The following TNS1 variants were observed in gnomAD, a reference collection of about 807,000 sequenced individuals.
The protein encoded by TNS1 is tensin-1.
In TNS1, 62 loss-of-function variants were observed where a neutral mutation model predicts 168.6. That is an observed-to-expected ratio of 0.37 (90% CI 0.30 to 0.45). The LOEUF is 0.45. TNS1 is among the 20% of genes least tolerant of loss of function. The pLI is 1.00. For synonymous variants in TNS1, 934 were observed against 933.2 expected (o/e 1.00, Z -0.02); for missense variants, 2,240 against 2,339.4 (o/e 0.96, Z 0.88).
intron 1 of TNS1, among the ~76,000 whole-genome samples, chr2:218,008,936 AC>A (rs1272249465): frequency 6.6e-6 from 1 of 152,210 alleles, no homozygotes; most frequent in Non-Finnish European, 1.5e-5. Context: ...GCACAGTTAA[AC>A]ACTTTAAATG....
chr2:217,879,219 T>C (rs925398999), intron 18 of TNS1: 3 of 299,870 alleles, frequency 1.0e-5, no homozygotes, highest in Non-Finnish European at 2.0e-5. Flanking sequence ...TGGCACTTTA[T>C]AGTTTACTAA....
chr2:217,849,958 A>T, intron 18 of TNS1: 1 of 985,360 alleles, frequency 1.0e-6, no homozygotes, highest in Non-Finnish European at 1.2e-6. Context: ...AATGCAAAGG[A>T]TGTGATAGAA....
chr2:217,856,250 G>C (rs924837596), intron 18 of TNS1, among the ~76,000 whole-genome samples: 1 of 152,168 alleles, frequency 6.6e-6, no homozygotes, highest in African/African-American at 2.4e-5. Context: ...GCTCCACTGG[G>C]TTTTAACCTG....
intron 13 of TNS1, 112 bp from the exon 14 acceptor site, chr2:217,886,216 G>A (rs1028582274): frequency 3.1e-5 from 34 of 1,111,350 alleles, no homozygotes; most frequent in African/African-American, 9.5e-5. Flanking sequence ...GGGGGAAGAC[G>A]GGGTAGGAAG....
intron 3 of TNS1, chr2:217,937,050 ACTC>A: frequency 2.2e-6 from 1 of 455,702 alleles, no homozygotes; most frequent in Admixed American, 2.4e-5. Flanking sequence ...TCCCCGCAAA[ACTC>A]CTTGCCAAAC....
chr2:217,897,831 C>G lies in TNS1; in HGVS notation c.510G>C (p.Gln170His), dbSNP rs747040632. 4 of 1,610,730 alleles carry G rather than the reference C, an allele frequency of 2.5e-6. No homozygotes were observed. In the South Asian group the frequency reaches 4.4e-5, roughly 18 times the overall value. The part of the protein sequence containing the change: ...NFRSNLREVA[Q>H]MLKSKHGGNY... ...TGCCTCCATGTTTGGACTTGAGCAT[C>G]TGCGCCACCTCACGGAGGTTGCTCC... Residue 170 changes from glutamine (Q) to histidine (H), a missense_variant, in exon 8 of 33, where the codon CAG becomes CAC. Physicochemically the swap from Gln to His is conservative, Grantham distance 24. Transcript: ENST00000682258.
At chr2:217,858,258 C>T (rs1308594924) in intron 18 of TNS1, among the ~76,000 whole-genome samples, 6 of 152,210 alleles carry the variant, frequency 3.9e-5, no homozygotes, top group Admixed American at 6.5e-5. Flanking sequence ...ATGGCTCTTA[C>T]GTGTCCCAGA....
chr2:217,920,436 G>A (rs1418779942), intron 3 of TNS1, among the ~76,000 whole-genome samples, 200 bp from the exon 4 acceptor site: 1 of 152,170 alleles, frequency 6.6e-6, no homozygotes, highest in African/African-American at 2.4e-5. Context: ...GGGAGCGGGG[G>A]CCGCAGAAGG....
At chr2:217,884,984 C>A in intron 16 of TNS1, 51 bp downstream of exon 16, 1 of 1,609,928 alleles carries the variant, frequency 6.2e-7, no homozygotes, top group Non-Finnish European at 8.5e-7. Context: ...AAACTGAGCT[C>A]CTCTCCCTGC....
chr2:217,875,643 T>TTCCC (rs1451625625), intron 18 of TNS1, among the ~76,000 whole-genome samples: 1 of 152,200 alleles, frequency 6.6e-6, no homozygotes, highest in Non-Finnish European at 1.5e-5. Context: ...CTGTATCTCT[T>TTCCC]TCCCTCCCTC....
chr2:217,818,270 TG>T lies in TNS1; in HGVS notation c.4061del (p.Pro1354GlnfsTer43). 1 of 1,613,188 alleles carries T rather than the reference TG, an allele frequency of 6.2e-7. No homozygotes were observed. ...GGCCAGAAACCTGGTAGACCCCTGC[TG>T]GGTGCCGACACAGGCTGGGGCTCCC... is the stretch of plus-strand genomic sequence containing the variant. The part of the protein sequence containing the change: ...TPGSPSLCRH[P>X]AGVYQVSGLH... On this transcript the variant is annotated frameshift_variant, in exon 24 of 33. Coordinates refer to ENST00000682258, the MANE Select transcript of TNS1 (RefSeq NM_001387777.1). LOFTEE classifies it high-confidence loss of function.
At chr2:217,809,798 C>A in intron 30 of TNS1, 25 bp downstream of exon 30, 2 of 1,603,278 alleles carry the variant, frequency 1.2e-6, no homozygotes, top group Non-Finnish European at 1.7e-6. Flanking sequence ...AGAACCCCAC[C>A]GAGGAGCAGG....
At chr2:217,852,230 G>A (rs1480745465) in intron 18 of TNS1, among the ~76,000 whole-genome samples, 1 of 152,224 alleles carries the variant, frequency 6.6e-6, no homozygotes, top group African/African-American at 2.4e-5. Flanking sequence ...TAGCTCTGGG[G>A]TGGTTCTCTT....
intron 18 of TNS1, among the ~76,000 whole-genome samples, chr2:217,867,800 C>G (rs891119375): frequency 2.6e-5 from 4 of 152,356 alleles, no homozygotes; most frequent in African/African-American, 7.2e-5. Context: ...GCTTCTGTGC[C>G]TCTTTCAAGT....
In TNS1 at chr2:217,801,427, G is replaced by C. The variant is rs1937472894; in HGVS notation, c.*3032C>G. 1 of 152,284 alleles carries C rather than the reference G, an allele frequency of 6.6e-6. No individual in the cohort carries two copies. The highest frequency in any genetic ancestry group is 2.1e-4 in the South Asian group (1 of 4,826). 9.4% of individuals were successfully genotyped at this position (152,284 alleles called of 1,614,324 possible). On this transcript the variant is annotated 3_prime_UTR_variant, in exon 33 of 33. Coordinates refer to ENST00000682258, the MANE Select transcript of TNS1 (RefSeq NM_001387777.1). ...GGACAGCTGGTGGCAGCACGGGACT[G>C]AACCTGCTGGGGTCTGCGTCGCTGC...
chr2:217,984,127 C>A (rs932556226), intron 2 of TNS1, among the ~76,000 whole-genome samples: 2 of 152,186 alleles, frequency 1.3e-5, no homozygotes, highest in South Asian at 4.1e-4. Context: ...ACCTGCCAAC[C>A]TACCCTGCAG....
At chr2:218,004,750 A>C (rs1958641919), upstream of TNS1, among the ~76,000 whole-genome samples, 1 of 152,110 alleles carries the variant, frequency 6.6e-6, no homozygotes, top group Non-Finnish European at 1.5e-5. Context: ...ATACTTCTCC[A>C]AGTCCTCCAG....
intron 18 of TNS1, chr2:217,859,658 G>C (rs368567024): frequency 6.5e-7 from 1 of 1,536,450 alleles, no homozygotes. Context: ...GGCCACCTGA[G>C]ATGCTTCCAA....
At chr2:217,845,732 GA>G (rs1946551983) in intron 19 of TNS1, among the ~76,000 whole-genome samples, 1 of 152,220 alleles carries the variant, frequency 6.6e-6, no homozygotes, top group Admixed American at 6.5e-5. Context: ...TGGTAGGAGA[GA>G]AAGGGCTAAA....
Sources: allele counts gnomAD v4.1 joint callset (sites outside exome capture counted in the v4.1 genomes callset), GRCh38; gene constraint gnomAD v4.1.1; transcripts MANE v1.5; gene names NCBI Gene and HGNC (gene_info 2026-07-23, HGNC 2026-07-21).